PRR12: variants seen among roughly 807,000 people sequenced by gnomAD.
The protein encoded by PRR12 is proline-rich protein 12.
PRR12 carries 12 observed loss-of-function variants against 138.0 expected under a neutral mutation model. That is an observed-to-expected ratio of 0.09 (90% confidence interval 0.06 to 0.14). The LOEUF is 0.14. Among genes scored for constraint, PRR12 ranks in the 10% least tolerant of loss-of-function variants. PRR12 has a pLI of 1.00. For synonymous variants in PRR12, 1,567 were observed against 1,291.7 expected, an observed-to-expected ratio of 1.21 and a Z score of -4.57; for missense variants, 2,692 against 2,861.3, an observed-to-expected ratio of 0.94 and a Z score of 1.35.
rs201908223 is a variant in PRR12, at chr19:49,595,465, G to T, written c.1130G>T (p.Gly377Val). The change falls in exon 4 of 14, where the codon GGT (glycine) becomes GTT (valine). Residue 377 changes from glycine (G) to valine (V), a missense_variant. Coordinates refer to ENST00000418929, the MANE Select transcript of PRR12 (RefSeq NM_020719.3). ...AAGGGGAGGG[G>V]GGYRPIIQSP... Reference sequence around the variant, plus strand: ...GGGGGCGGTGGGGCTGGGGGTGGTGGTGGAGGTTACCGCCCCATCATTCAG... The same window carrying T: ...GGGGGCGGTGGGGCTGGGGGTGGTGTTGGAGGTTACCGCCCCATCATTCAG... 2.0e-3 allele frequency: 3,087 copies of T among 1,549,968 alleles called. 4 individuals are homozygous for T. Among genetic ancestry groups the T allele is most frequent in the Non-Finnish European group, 2.5e-3 (2,910 of 1,147,696 alleles).
rs115005500 is a variant in PRR12, at chr19:49,621,689, C to T, written c.5721+67C>T. The T allele has an allele frequency of 4.1e-3, 5,354 of 1,315,202 alleles. 162 individuals are homozygous for T. The African/African-American group carries it at 0.066, about 16-fold the overall frequency. The allele number at this position is 1,315,202 out of a possible 1,614,324, so 81.5% of individuals were successfully genotyped here. A position where few individuals can be genotyped will look rare whatever the true frequency, so the allele number is the denominator to read the frequency against. On this transcript the variant is annotated intron_variant, in intron 11 of 13. Coordinates refer to ENST00000418929, the MANE Select transcript of PRR12 (RefSeq NM_020719.3). ...CCACATGGAGAAGACATGTACGTGTCGGCCGCTGTTGGCGGGGGTGATCCT... is the reference window on the plus strand; with the variant it reads ...CCACATGGAGAAGACATGTACGTGTTGGCCGCTGTTGGCGGGGGTGATCCT...
Position 49,597,653 on chromosome 19 carries a change from C to T in PRR12, c.3318C>T (p.Asp1106=). 3 of 1,607,568 alleles carry T rather than the reference C, an allele frequency of 1.9e-6. No individual in the cohort carries two copies. The highest frequency in any genetic ancestry group is 1.7e-6 in the Non-Finnish European group (2 of 1,177,994). ...AQEYEFEADE[D]KADVPADIRL... ...AGTACGAGTTCGAGGCGGACGAGGA[C>T]AAGGCCGATGTTCCCGCCGACATCC... Residue 1106 remains aspartate (D), a synonymous_variant, in exon 4 of 14, where the codon GAC becomes GAT. Transcript: ENST00000418929. The surrounding 1 kb of genome is among the most constrained non-coding windows in gnomAD (Gnocchi z 6.3).
intron 9 of PRR12, among the ~76,000 whole-genome samples, chr19:49,617,425 C>A (rs191040818): frequency 1.3e-5 from 2 of 151,988 alleles, no homozygotes; most frequent in Non-Finnish European, 2.9e-5. Context: ...CTCAAGAGTT[C>A]GAGATGAGCC....
intron 4 of PRR12, among the ~76,000 whole-genome samples, chr19:49,598,390 CTT>C (rs1236556694): frequency 2.0e-5 from 3 of 152,078 alleles, no homozygotes; most frequent in Non-Finnish European, 4.4e-5. Flanking sequence ...TGTTTTGAGT[CTT>C]AAAGGACAGG....
chr19:49,598,026 G>T lies in PRR12; in HGVS notation c.3678+13G>T. 1 of 1,355,770 alleles carries T rather than the reference G, an allele frequency of 7.4e-7. No individual in the cohort carries two copies. Among genetic ancestry groups the T allele is most frequent in the Non-Finnish European group, 9.5e-7 (1 of 1,055,508 alleles). The allele number at this position is 1,355,770 out of a possible 1,614,324, so 84.0% of individuals were successfully genotyped here. A position where few individuals can be genotyped will look rare whatever the true frequency, so the allele number is the denominator to read the frequency against. On this transcript the variant is annotated intron_variant, in intron 4 of 13. Transcript: ENST00000418929. Reference sequence around the variant, plus strand: ...GAAGCCACTTAAGGTGAGGGGAAATGGGGTCTTGTAGGGGATAGGGGAGGA... The same window carrying T: ...GAAGCCACTTAAGGTGAGGGGAAATTGGGTCTTGTAGGGGATAGGGGAGGA...
chr19:49,620,514 C>T, intron 10 of PRR12, 37 bp downstream of exon 10: 1 of 1,545,884 alleles, frequency 6.5e-7, no homozygotes, highest in Non-Finnish European at 8.7e-7. Flanking sequence ...GGGGGGCTGA[C>T]TCGGTCTGAG....
At position 49,621,562 on chromosome 19, in the gene PRR12, C is replaced by G; in HGVS notation, c.5661C>G (p.Gly1887=). The G allele has an allele frequency of 6.2e-7, 1 of 1,607,576 alleles. No homozygotes were observed. Among genetic ancestry groups the G allele is most frequent in the Non-Finnish European group, 8.5e-7 (1 of 1,177,308 alleles). The change falls in exon 11 of 14, where the codon GGC becomes GGG. Residue 1887 remains glycine, a synonymous_variant. Coordinates refer to ENST00000418929, the MANE Select transcript of PRR12 (RefSeq NM_020719.3). The part of the protein sequence containing the change: ...LYLPPMRKID[G]LLNEHKKKVL... ...TGCCCCCCATGCGGAAGATAGACGG[C>G]CTGCTGAATGAGCACAAGAAGAAAG... is the stretch of plus-strand genomic sequence containing the variant.
At chr19:49,591,813 C>T (rs1289917824) in intron 1 of PRR12, 73 bp downstream of exon 1, 1 of 935,336 alleles carries the variant, frequency 1.1e-6, no homozygotes, top group Non-Finnish European at 1.4e-6. Context: ...CGGGCCGGGC[C>T]GGGCCCGCCC....
intron 11 of PRR12, 115 bp downstream of exon 11, chr19:49,621,737 G>T: frequency 1.2e-6 from 1 of 833,544 alleles, no homozygotes; most frequent in African/African-American, 1.7e-5. Flanking sequence ...GTCCTTCTGG[G>T]CTCAGATGGG....
rs749403110 is a variant in PRR12 at position 49,599,363 on chromosome 19, G to A, written c.3770G>A (p.Ser1257Asn). The change falls in exon 5 of 14, where the codon AGC (serine) becomes AAC (asparagine). Residue 1257 changes from serine to asparagine, a missense_variant. Around this residue, in one of 11 missense-constraint regions of PRR12, gnomAD observed 326 missense variants for 344.2 expected, o/e 0.95. Transcript: ENST00000418929. The surrounding 1 kb of genome is among the most constrained non-coding windows in gnomAD (Gnocchi z 5.0). ...ACTGACCACAACAGCCTGGACTCGA[G>A]CCTGACTCGGGAGAAGATCGAGGCC... is the stretch of plus-strand genomic sequence containing the variant. ...SGTDHNSLDSSLTREKIEAKI... is the reference protein window; with the variant it reads ...SGTDHNSLDSNLTREKIEAKI... 3 of 1,613,188 alleles carry A rather than the reference G, an allele frequency of 1.9e-6. No individual in the cohort carries two copies. The highest frequency in any genetic ancestry group is 2.5e-6 in the Non-Finnish European group (3 of 1,179,752).
Position 49,596,715 on chromosome 19 carries a change from C to G in PRR12, c.2380C>G (p.Leu794Val). The change falls in exon 4 of 14, where the codon CTG becomes GTG. Residue 794 changes from leucine to valine, a missense_variant. This residue lies in a region of PRR12 where 840 missense variants were observed against 689.8 expected (regional missense o/e 1.22). Coordinates refer to ENST00000418929, the MANE Select transcript of PRR12 (RefSeq NM_020719.3). This position sits in a 1 kb window ranked among gnomAD's most constrained non-coding sequence, Gnocchi z 5.6. ...EAGGPDLPLV[L>V]PPPPPQLLPS... ...CGGGGGCCCTGACCTCCCACTGGTG[C>G]TGCCTCCGCCTCCCCCCCAGCTGCT... 1.2e-6 allele frequency: 2 copies of G among 1,605,580 alleles called. No individual in the cohort carries two copies. The highest frequency in any genetic ancestry group is 2.2e-5 in the East Asian group (1 of 44,848).
intron 11 of PRR12, among the ~76,000 whole-genome samples, chr19:49,624,379 GC>G: frequency 1.3e-5 from 2 of 149,562 alleles, no homozygotes; most frequent in Admixed American, 6.6e-5. Context: ...TTAGGATGGG[GC>G]TGAGAATTCT....
rs1446356078 is a variant in PRR12, at chr19:49,599,305, C to T, written c.3712C>T (p.Leu1238=). Residue 1238 remains leucine (L), a synonymous_variant, in exon 5 of 14, where the codon CTG becomes TTG. Coordinates refer to ENST00000418929, the MANE Select transcript of PRR12 (RefSeq NM_020719.3). This position sits in a 1 kb window ranked among gnomAD's most constrained non-coding sequence, Gnocchi z 5.0. ...KLSVPKAGEG[L]GTSSGDAISG... is the part of the protein sequence containing the mutation. ...GTCTGTGCCCAAGGCTGGCGAGGGT[C>T]TGGGAACCTCATCGGGTGATGCCAT... The T allele has an allele frequency of 1.9e-6, 3 of 1,611,356 alleles. No individual in the cohort carries two copies. The highest frequency in any genetic ancestry group is 2.5e-6 in the Non-Finnish European group (3 of 1,178,728).
In PRR12 at chr19:49,594,905, C is replaced by T. The variant is rs968743364; in HGVS notation, c.570C>T (p.His190=). ...NGLLSPHDVL[H]LKPSQAPTVP... ...TCCTGTCCCCTCATGACGTGCTGCA[C>T]CTGAAGCCCTCGCAGGCACCCACGG... Residue 190 remains histidine, a synonymous_variant, in exon 4 of 14, where the codon CAC becomes CAT. Coordinates refer to ENST00000418929, the MANE Select transcript of PRR12 (RefSeq NM_020719.3). This position sits in a 1 kb window ranked among gnomAD's most constrained non-coding sequence, Gnocchi z 5.6. The T allele has an allele frequency of 6.8e-6, 11 of 1,609,668 alleles. No homozygotes were observed. In the African/African-American group the frequency reaches 1.1e-4, roughly 16 times the overall value.
intron 6 of PRR12, among the ~76,000 whole-genome samples, chr19:49,606,979 A>C (rs924146302): frequency 6.6e-6 from 1 of 151,988 alleles, no homozygotes; most frequent in Non-Finnish European, 1.5e-5. Flanking sequence ...AAATGTTTTC[A>C]TTCCTGGTTT....
At chr19:49,607,361 G>GCACACACACACACACACACA (rs72175242) in intron 6 of PRR12, among the ~76,000 whole-genome samples, 1 of 147,760 alleles carries the variant, frequency 6.8e-6, no homozygotes, top group African/African-American at 2.5e-5. Flanking sequence ...ATGTACGTGT[G>GCACACACACACACACACACA]CACACACACA....
intron 1 of PRR12, among the ~76,000 whole-genome samples, chr19:49,592,910 G>C (rs964230951): frequency 6.6e-6 from 1 of 152,018 alleles, no homozygotes; most frequent in Non-Finnish European, 1.5e-5. Flanking sequence ...GTCTACGGAA[G>C]AGGAGGCGTC....
intron 9 of PRR12, among the ~76,000 whole-genome samples, chr19:49,620,076 C>T (rs1473983962): frequency 6.6e-6 from 1 of 151,784 alleles, no homozygotes; most frequent in African/African-American, 2.4e-5. Flanking sequence ...TGGTATCAAA[C>T]TCCTGACCTT....
At position 49,595,433 on chromosome 19, in the gene PRR12, G is replaced by A. The variant is rs1250460604; in HGVS notation, c.1098G>A (p.Glu366=). 3 of 1,547,368 alleles carry A rather than the reference G, an allele frequency of 1.9e-6. No homozygotes were observed. Among genetic ancestry groups the A allele is most frequent in the Non-Finnish European group, 2.6e-6 (3 of 1,146,444 alleles). ...CATCTGGCCGGGCCACGGGCCCTGAGGCAGCAGGGGGCGGTGGGGCTGGGG... is the reference window on the plus strand; with the variant it reads ...CATCTGGCCGGGCCACGGGCCCTGAAGCAGCAGGGGGCGGTGGGGCTGGGG... ...AGASGRATGP[E]AAGGGGAGGG... is the part of the protein sequence containing the mutation. The change falls in exon 4 of 14, where the codon GAG becomes GAA. Residue 366 remains glutamate (E), a synonymous_variant. Coordinates refer to ENST00000418929, the MANE Select transcript of PRR12 (RefSeq NM_020719.3).
Sources: allele counts gnomAD v4.1 joint callset (sites outside exome capture counted in the v4.1 genomes callset), GRCh38; gene constraint gnomAD v4.1.1; regional missense constraint gnomAD v4.1.1; non-coding constraint Gnocchi (gnomAD v3.1); transcripts MANE v1.5; gene names NCBI Gene and HGNC (gene_info 2026-07-23, HGNC 2026-07-21).